Variants in RAP1GAP2 observed in about 807,000 individuals in gnomAD.
The protein encoded by RAP1GAP2 is rap1 GTPase-activating protein 2.
Under a neutral mutation model 95.0 loss-of-function variants are expected in RAP1GAP2, and 27 were observed. That is an observed-to-expected ratio of 0.28 (90% CI 0.21 to 0.39). The LOEUF (loss-of-function observed/expected upper bound fraction) is 0.39. Among genes scored for constraint, RAP1GAP2 ranks in the 10% least tolerant of loss-of-function variants. RAP1GAP2 has a pLI of 1.00. For synonymous variants in RAP1GAP2, 373 were observed against 380.9 expected (o/e 0.98, Z 0.24); for missense variants, 771 against 970.0 (o/e 0.79, Z 2.72).
At chr17:2,897,734 A>C in intron 2 of RAP1GAP2, among the ~76,000 whole-genome samples, 1 of 151,826 alleles carries the variant, frequency 6.6e-6, no homozygotes, top group East Asian at 2.0e-4. Flanking sequence ...TTCCTTGGAG[A>C]AGAGAAGAGA....
rs889214737 is a variant in RAP1GAP2 at position 3,018,136 on chromosome 17, C to A, written c.1570C>A (p.Pro524Thr). 2 of 1,585,060 alleles carry A rather than the reference C, an allele frequency of 1.3e-6. No individual in the cohort carries two copies. The highest frequency in any genetic ancestry group is 2.3e-5 in the East Asian group (1 of 42,946). The change falls in exon 18 of 25, where the codon CCT becomes ACT. Residue 524 changes from proline to threonine, a missense_variant. Coordinates refer to ENST00000254695, the MANE Select transcript of RAP1GAP2 (RefSeq NM_015085.5). ...GQKKSHSGGI[P>T]GSLSGGISHN... is the part of the protein sequence containing the mutation. ...GAAGAAGTCGCACAGTGGGGGCATC[C>A]CTGGCAGCCTCAGCGGGGGCATCTC...
chr17:2,905,449 C>T (rs2042169074), intron 3 of RAP1GAP2, 81 bp downstream of exon 3: 1 of 1,404,154 alleles, frequency 7.1e-7, no homozygotes, highest in Admixed American at 1.9e-5. Flanking sequence ...TGGCTCCAGG[C>T]CCAGCAGCGT....
At chr17:2,788,442 C>T (rs184481377) in intron 1 of RAP1GAP2, among the ~76,000 whole-genome samples, 4 of 152,222 alleles carry the variant, frequency 2.6e-5, no homozygotes, top group Admixed American at 6.5e-5. Context: ...ATTACAGGTG[C>T]CCGCCACCAT....
intron 1 of RAP1GAP2, among the ~76,000 whole-genome samples, chr17:2,787,161 G>T (rs1035162225): frequency 1.3e-5 from 2 of 151,646 alleles, no homozygotes; most frequent in Admixed American, 6.6e-5. Flanking sequence ...ATGTTGGCCA[G>T]GCTGGTCTCG....
chr17:2,853,875 G>C, intron 2 of RAP1GAP2: 1 of 963,972 alleles, frequency 1.0e-6, no homozygotes, highest in Non-Finnish European at 1.2e-6. Flanking sequence ...GGCGGGGCGG[G>C]GCCCATGCGA....
Position 3,008,227 on chromosome 17 carries a change from T to A in RAP1GAP2, c.1494+82T>A. On this transcript the variant is annotated intron_variant, in intron 17 of 24. Coordinates refer to ENST00000254695, the MANE Select transcript of RAP1GAP2 (RefSeq NM_015085.5). The surrounding 1 kb of genome is among the most constrained non-coding windows in gnomAD (Gnocchi z 4.2). ...AAGTGGTCCAAGGTCCATGGGATACTGATCCCAGAGCCCAAGGGCCAGCTG... is the reference window on the plus strand; with the variant it reads ...AAGTGGTCCAAGGTCCATGGGATACAGATCCCAGAGCCCAAGGGCCAGCTG... 2 of 1,568,764 alleles carry A rather than the reference T, an allele frequency of 1.3e-6. No homozygotes were observed. The highest frequency in any genetic ancestry group is 1.7e-6 in the Non-Finnish European group (2 of 1,150,494).
intron 3 of RAP1GAP2, among the ~76,000 whole-genome samples, chr17:2,910,550 G>T (rs932203150): frequency 6.6e-6 from 1 of 152,134 alleles, no homozygotes; most frequent in Non-Finnish European, 1.5e-5. Flanking sequence ...GGCAGTGCAG[G>T]CTCAGGGAGG....
intron 3 of RAP1GAP2, among the ~76,000 whole-genome samples, chr17:2,955,850 G>T (rs1423115316): frequency 6.6e-6 from 1 of 152,144 alleles, no homozygotes; most frequent in Middle Eastern, 3.2e-3. Flanking sequence ...TATTCTGTGA[G>T]TGTAGCTTCT....
intron 2 of RAP1GAP2, among the ~76,000 whole-genome samples, chr17:2,892,736 T>G (rs962990471): frequency 1.3e-5 from 2 of 152,124 alleles, no homozygotes; most frequent in Admixed American, 1.3e-4. Flanking sequence ...CTGTGACTCA[T>G]TCCTGAAAGT....
chr17:2,910,092 C>A (rs2042322783), intron 3 of RAP1GAP2, among the ~76,000 whole-genome samples: 1 of 152,220 alleles, frequency 6.6e-6, no homozygotes. Context: ...AAAGTGATGA[C>A]ATTGATGAAA....
chr17:3,012,178 C>A (rs2046570750), intron 17 of RAP1GAP2, among the ~76,000 whole-genome samples: 3 of 152,134 alleles, frequency 2.0e-5, no homozygotes, highest in Non-Finnish European at 4.4e-5. Context: ...TCCCATGAGA[C>A]ACAGAACAGT....
At chr17:2,766,095 A>G (rs1377187124) in intron 1 of RAP1GAP2, among the ~76,000 whole-genome samples, 1 of 152,204 alleles carries the variant, frequency 6.6e-6, no homozygotes, top group Non-Finnish European at 1.5e-5. Flanking sequence ...CGGCGAGGAC[A>G]GATGCTGTGG....
rs145130278 is a variant in RAP1GAP2, at chr17:3,031,012, T to TCCCACAC, written c.2184+22_2184+28dup. Reference sequence around the variant, plus strand: ...AGCTCTGGTGCGGTAAGGATGCGCCTCCCACACCCCACACTCCACTTTCTG... The same window carrying TCCCACAC: ...AGCTCTGGTGCGGTAAGGATGCGCCTCCCACACCCCACACCCCACACTCCACTTTCTG... On this transcript the variant is annotated intron_variant, in intron 23 of 24. Coordinates refer to ENST00000254695, the MANE Select transcript of RAP1GAP2 (RefSeq NM_015085.5). 2,914 of 1,587,284 alleles carry TCCCACAC rather than the reference T, an allele frequency of 1.8e-3. 59 individuals are homozygous for TCCCACAC. In the African/African-American group the frequency reaches 0.036, roughly 20 times the overall value.
intron 19 of RAP1GAP2, among the ~76,000 whole-genome samples, chr17:3,023,316 C>A (rs1355706376): frequency 1.3e-5 from 2 of 152,210 alleles, no homozygotes. Context: ...GCCAGCATTT[C>A]TTGAGTGGCT....
chr17:2,972,521 G>T (rs1477116071), intron 8 of RAP1GAP2, among the ~76,000 whole-genome samples: 1 of 147,234 alleles, frequency 6.8e-6, no homozygotes, highest in Non-Finnish European at 1.5e-5. Flanking sequence ...GGGCGTGGTG[G>T]TGCACACCTG....
chr17:2,922,826 G>GTTT (rs138075669), intron 3 of RAP1GAP2, among the ~76,000 whole-genome samples: 13 of 93,724 alleles, frequency 1.4e-4, no homozygotes, highest in Non-Finnish European at 1.7e-4. Flanking sequence ...TTTTCTTTTT[G>GTTT]TTTTTGTTTT....
chr17:2,771,053 CAAACAAACAAACAAACAACAAACAACATA>C (rs2068381091), intron 2 of RAP1GAP2, among the ~76,000 whole-genome samples: 3 of 150,500 alleles, frequency 2.0e-5, no homozygotes, highest in Admixed American at 1.3e-4. Flanking sequence ...TTTCAAAAAA[CAAACAAACAAACAAACAACAAACAACATA>C]AAACAAACAA....
intron 3 of RAP1GAP2, among the ~76,000 whole-genome samples, chr17:2,920,975 C>T (rs780485838): frequency 6.6e-5 from 10 of 152,088 alleles, no homozygotes; most frequent in Non-Finnish European, 1.5e-4. Flanking sequence ...TGTGTTGCTT[C>T]GTGAAGGGAT....
chr17:2,769,232 TAAAAA>T (rs58436827), intron 1 of RAP1GAP2, among the ~76,000 whole-genome samples: 38 of 42,898 alleles, frequency 8.9e-4, no homozygotes, highest in East Asian at 8.1e-3. Context: ...ACCATTTCTC[TAAAAA>T]AAAAAAAAAA....
Sources: allele counts gnomAD v4.1 joint callset (sites outside exome capture counted in the v4.1 genomes callset), GRCh38; gene constraint gnomAD v4.1.1; non-coding constraint Gnocchi (gnomAD v3.1); transcripts MANE v1.5; gene names NCBI Gene and HGNC (gene_info 2026-07-23, HGNC 2026-07-21).